Variants in SULF1 observed in about 807,000 individuals in gnomAD.
SULF1 encodes extracellular sulfatase Sulf-1.
SULF1 carries 46 observed loss-of-function variants against 110.5 expected under a neutral mutation model. The ratio of observed to expected loss-of-function variants is 0.42; its 90% confidence interval spans 0.33 to 0.53. SULF1 has a LOEUF of 0.53. SULF1 is among the 20% of genes least tolerant of loss of function. The pLI, the probability that SULF1 is intolerant of heterozygous loss-of-function variation, is 0.12. For missense variants in SULF1, 941 were observed against 1,094.2 expected, an observed-to-expected ratio of 0.86 and a Z score of 1.98; for synonymous variants, 371 against 387.1, an observed-to-expected ratio of 0.96 and a Z score of 0.49.
intron 3 of SULF1, among the ~76,000 whole-genome samples, chr8:69,503,697 G>A (rs1289817640): frequency 1.3e-5 from 2 of 152,150 alleles, no homozygotes; most frequent in African/African-American, 2.4e-5. Context: ...GATACTACAA[G>A]AGCACCCTTC....
Position 69,601,657 on chromosome 8 carries a change from T to C in SULF1, c.889T>C (p.Tyr297His), listed in dbSNP as rs1245322596. The change falls in exon 10 of 23, where the codon TAT becomes CAT. Residue 297 changes from tyrosine to histidine, a missense_variant. By Grantham distance (83) the Tyr-to-His change is moderately conservative. Around this residue, in one of 3 missense-constraint regions of SULF1, gnomAD observed 822 missense variants for 934.3 expected, o/e 0.88. Coordinates refer to ENST00000402687, the MANE Select transcript of SULF1 (RefSeq NM_001128205.2). The stretch of plus-strand genomic sequence containing the variant: ...TTGTTCCTTTGCTGTATTTCAGCTG[T>C]ATAACATGCTCGTGGAGACGGGGGA... ...MSVDDSVERL[Y>H]NMLVETGELE... The C allele has an allele frequency of 3.7e-6, 6 of 1,608,740 alleles. No homozygotes were observed. The highest frequency in any genetic ancestry group is 5.1e-6 in the Non-Finnish European group (6 of 1,177,392).
intron 18 of SULF1, among the ~76,000 whole-genome samples, chr8:69,628,776 A>G (rs1810295847): frequency 6.6e-6 from 1 of 152,232 alleles, no homozygotes; most frequent in Non-Finnish European, 1.5e-5. Context: ...TGTTTAGTAG[A>G]ATTTGTCAAA....
At chr8:69,627,973 A>G (rs1810228517) in intron 17 of SULF1, 107 bp downstream of exon 17, 8 of 934,790 alleles carry the variant, frequency 8.6e-6, no homozygotes, top group African/African-American at 1.7e-5. Flanking sequence ...ATGTATTGTC[A>G]TAGAGTACGA....
At chr8:69,524,360 G>A (rs1812522123) in intron 3 of SULF1, among the ~76,000 whole-genome samples, 2 of 152,074 alleles carry the variant, frequency 1.3e-5, no homozygotes, top group South Asian at 4.2e-4. Context: ...CTTCTGGTGA[G>A]GCTTACAGTC....
At chr8:69,589,232 C>G in intron 8 of SULF1, 91 bp downstream of exon 8, 2 of 1,241,604 alleles carry the variant, frequency 1.6e-6, no homozygotes, top group Non-Finnish European at 2.2e-6. Flanking sequence ...TTTCCTTCCA[C>G]CCTGCGTATC....
intron 13 of SULF1, among the ~76,000 whole-genome samples, chr8:69,613,284 G>C (rs1265900463): frequency 6.9e-6 from 1 of 145,156 alleles, no homozygotes; most frequent in Non-Finnish European, 1.5e-5. Flanking sequence ...GTCAGGTAAT[G>C]TGATGCCTAC....
chr8:69,569,567 T>G (rs1805069331), intron 5 of SULF1, among the ~76,000 whole-genome samples: 1 of 152,206 alleles, frequency 6.6e-6, no homozygotes, highest in Non-Finnish European at 1.5e-5. Flanking sequence ...ACTGCTGTTT[T>G]TCTTATAGTC....
intron 8 of SULF1, among the ~76,000 whole-genome samples, chr8:69,600,124 TCTC>T (rs1807670286): frequency 6.6e-6 from 1 of 152,160 alleles, no homozygotes; most frequent in South Asian, 2.1e-4. Flanking sequence ...AAAATACTCT[TCTC>T]AAGTATTCAG....
intron 1 of SULF1, among the ~76,000 whole-genome samples, chr8:69,470,031 A>C (rs548683897): frequency 6.6e-5 from 10 of 151,638 alleles, no homozygotes; most frequent in African/African-American, 2.4e-4. Context: ...GACAAGAGTG[A>C]AACTCCGTCT....
At chr8:69,589,234 C>G (rs1806693519) in intron 8 of SULF1, 93 bp downstream of exon 8, 2 of 1,243,834 alleles carry the variant, frequency 1.6e-6, no homozygotes, top group South Asian at 3.1e-5. Flanking sequence ...TCCTTCCACC[C>G]TGCGTATCCA....
At chr8:69,569,641 C>A (rs1586429227) in intron 5 of SULF1, among the ~76,000 whole-genome samples, 1 of 152,218 alleles carries the variant, frequency 6.6e-6, no homozygotes, top group East Asian at 1.9e-4. Flanking sequence ...CAAAAACCCT[C>A]TGACTTTTCT....
At chr8:69,488,093 CAA>C (rs1484438022), upstream of SULF1, among the ~76,000 whole-genome samples, 1 of 152,128 alleles carries the variant, frequency 6.6e-6, no homozygotes, top group African/African-American at 2.4e-5. Flanking sequence ...AATTTCAAAC[CAA>C]AGTCTAGTGC....
chr8:69,501,045 T>TC (rs1325107835), intron 2 of SULF1, among the ~76,000 whole-genome samples: 1 of 151,826 alleles, frequency 6.6e-6, no homozygotes, highest in Non-Finnish European at 1.5e-5. Flanking sequence ...ACCTCTGAGA[T>TC]CCCCCCATAT....
intron 3 of SULF1, among the ~76,000 whole-genome samples, chr8:69,504,221 T>A (rs1201754400): frequency 6.6e-6 from 1 of 152,258 alleles, no homozygotes; most frequent in Non-Finnish European, 1.5e-5. Flanking sequence ...TCTCAGCACA[T>A]CTTTATTATG....
chr8:69,623,419 A>G lies in SULF1; in HGVS notation c.1595-523A>G, dbSNP rs75191695. ...AAAATAAGGATGAACCGGTATTGAC[A>G]ATCTGATGTTTTTGTATGTAAGGGT... On this transcript the variant is annotated intron_variant, in intron 14 of 22. Transcript: ENST00000402687. Among the ~76,000 whole-genome samples the G allele has an allele frequency of 3.2e-4, 48 of 152,344 alleles. 1 individual carries two copies. The East Asian group carries it at 8.7e-3, about 28-fold the overall frequency.
rs376329276 is a variant in SULF1, at chr8:69,546,763, C to T, written c.-133-16776C>T. 2.2e-4 allele frequency among the ~76,000 whole-genome samples: 34 copies of T among 152,238 alleles called. No homozygotes were observed. In the East Asian group the frequency reaches 5.2e-3, roughly 23 times the overall value. Reference sequence around the variant, plus strand: ...AAAACATAAGAGTCTATTAAGAGTACTCTGAGCAACATCATAATGTTGCTA... The same window carrying T: ...AAAACATAAGAGTCTATTAAGAGTATTCTGAGCAACATCATAATGTTGCTA... On this transcript the variant is annotated intron_variant, in intron 3 of 22. Transcript: ENST00000402687.
intron 7 of SULF1, among the ~76,000 whole-genome samples, chr8:69,586,805 G>A (rs529237880): frequency 5.9e-5 from 9 of 152,146 alleles, no homozygotes; most frequent in East Asian, 1.9e-4. Flanking sequence ...CAGTTCCCCC[G>A]GACCCAACCA....
chr8:69,633,720 T>G (rs1810762454), intron 19 of SULF1, among the ~76,000 whole-genome samples: 1 of 152,060 alleles, frequency 6.6e-6, no homozygotes, highest in African/African-American at 2.4e-5. Context: ...AACGTGCAGT[T>G]TTGTTACATA....
chr8:69,530,227 G>A (rs1176758026), intron 3 of SULF1, among the ~76,000 whole-genome samples: 1 of 151,988 alleles, frequency 6.6e-6, no homozygotes, highest in African/African-American at 2.4e-5. Context: ...GTCACTAAAC[G>A]TCAGGCTCAC....
Sources: allele counts gnomAD v4.1 joint callset (sites outside exome capture counted in the v4.1 genomes callset), GRCh38; gene constraint gnomAD v4.1.1; regional missense constraint gnomAD v4.1.1; transcripts MANE v1.5; gene names NCBI Gene and HGNC (gene_info 2026-07-23, HGNC 2026-07-21).